RBFOX1: variants seen among roughly 807,000 people sequenced by gnomAD.
RBFOX1 encodes RNA binding protein fox-1 homolog 1.
Under a neutral mutation model 57.7 loss-of-function variants are expected in RBFOX1, and 8 were observed. That is an observed-to-expected ratio of 0.14 (90% CI 0.08 to 0.25). RBFOX1 has a LOEUF of 0.25. Among genes scored for constraint, RBFOX1 ranks in the 10% least tolerant of loss-of-function variants. RBFOX1 has a pLI of 1.00. For missense variants in RBFOX1, 611 were observed against 548.5 expected (o/e 1.11, Z -1.14); for synonymous variants, 326 against 222.4 (o/e 1.47, Z -4.15).
intron 2 of RBFOX1, among the ~76,000 whole-genome samples, chr16:6,567,110 C>T (rs77471243): frequency 8.1e-4 from 124 of 152,308 alleles, no homozygotes; most frequent in African/African-American, 2.9e-3. Flanking sequence ...AATGAGCAGG[C>T]TGTCCAGATT....
intron 4 of RBFOX1, among the ~76,000 whole-genome samples, chr16:7,458,624 A>T (rs539261221): frequency 6.6e-6 from 1 of 152,232 alleles, no homozygotes; most frequent in South Asian, 2.1e-4. Context: ...TATCATAGGA[A>T]TATATTCCCC....
chr16:5,748,614 A>G (rs1409317623), intron 3 of RBFOX1, among the ~76,000 whole-genome samples: 1 of 151,970 alleles, frequency 6.6e-6, no homozygotes, highest in Non-Finnish European at 1.5e-5. Context: ...TGATCCCTTT[A>G]CCATTATATA....
intron 3 of RBFOX1, among the ~76,000 whole-genome samples, chr16:5,786,850 A>G (rs999597223): frequency 6.6e-6 from 1 of 152,162 alleles, no homozygotes; most frequent in African/African-American, 2.4e-5. Flanking sequence ...GAAAGGTAGA[A>G]TGAAGCCGGG....
intron 3 of RBFOX1, among the ~76,000 whole-genome samples, chr16:6,735,007 G>C (rs768791413): frequency 3.3e-5 from 5 of 152,038 alleles, no homozygotes; most frequent in Non-Finnish European, 7.4e-5. Flanking sequence ...TGTTGTGGTA[G>C]CACAGTGTAT....
At chr16:5,555,684 G>C (rs193235983) in intron 2 of RBFOX1, among the ~76,000 whole-genome samples, 2 of 152,244 alleles carry the variant, frequency 1.3e-5, no homozygotes, top group East Asian at 3.9e-4. Flanking sequence ...TGAGGGCAGA[G>C]ACGGGGAAGT....
At chr16:5,501,550 C>T (rs2043198724) in intron 2 of RBFOX1, among the ~76,000 whole-genome samples, 1 of 151,986 alleles carries the variant, frequency 6.6e-6, no homozygotes, top group South Asian at 2.1e-4. Flanking sequence ...CTGGCTTTGG[C>T]TAAATTACTT....
chr16:6,195,726 A>T (rs1356226335), intron 1 of RBFOX1, among the ~76,000 whole-genome samples: 2 of 151,602 alleles, frequency 1.3e-5, no homozygotes, highest in African/African-American at 4.8e-5. Flanking sequence ...TCTTTAAAAA[A>T]GAAAAAAAAA....
chr16:7,078,237 G>T (rs1208227621), intron 4 of RBFOX1, among the ~76,000 whole-genome samples: 2 of 152,198 alleles, frequency 1.3e-5, no homozygotes, highest in Non-Finnish European at 2.9e-5. Context: ...CCACTATACA[G>T]AGTTTTTTGG....
intron 3 of RBFOX1, among the ~76,000 whole-genome samples, chr16:6,828,269 T>C (rs1005322935): frequency 2.0e-5 from 3 of 152,058 alleles, no homozygotes; most frequent in African/African-American, 7.2e-5. Context: ...CTCACAGCTG[T>C]AATCCCAGCA....
chr16:5,719,656 A>G (rs2151530115), intron 3 of RBFOX1, among the ~76,000 whole-genome samples: 1 of 152,314 alleles, frequency 6.6e-6, no homozygotes, highest in Admixed American at 6.5e-5. Flanking sequence ...AGAAGAAATC[A>G]TACCGTAGGT....
intron 4 of RBFOX1, among the ~76,000 whole-genome samples, chr16:7,361,561 T>C (rs2097321658): frequency 6.6e-6 from 1 of 152,164 alleles, no homozygotes; most frequent in Admixed American, 6.5e-5. Context: ...CTAAGGAGGA[T>C]ATTTCCTTTG....
chr16:7,159,810 C>T (rs1175846188), intron 4 of RBFOX1, among the ~76,000 whole-genome samples: 2 of 152,166 alleles, frequency 1.3e-5, no homozygotes, highest in Non-Finnish European at 2.9e-5. Flanking sequence ...ATACATCCCA[C>T]CTGTACCAAC....
intron 4 of RBFOX1, among the ~76,000 whole-genome samples, chr16:7,092,187 C>T (rs912158383): frequency 6.6e-6 from 1 of 152,174 alleles, no homozygotes; most frequent in South Asian, 2.1e-4. Flanking sequence ...TACAAAGTTA[C>T]AAGGTATACC....
At chr16:7,694,838 T>G (rs2078283915) in intron 14 of RBFOX1, among the ~76,000 whole-genome samples, 1 of 152,140 alleles carries the variant, frequency 6.6e-6, no homozygotes, top group African/African-American at 2.4e-5. Flanking sequence ...TAATGTTAAT[T>G]TAAAATGTTC....
intron 1 of RBFOX1, among the ~76,000 whole-genome samples, chr16:6,075,968 A>G (rs1478883342): frequency 6.6e-6 from 1 of 152,154 alleles, no homozygotes; most frequent in Non-Finnish European, 1.5e-5. Context: ...AGTAGATGAA[A>G]CAGAGGCTTA....
chr16:5,614,610 T>A (rs905962464), intron 3 of RBFOX1, among the ~76,000 whole-genome samples: 2 of 152,204 alleles, frequency 1.3e-5, no homozygotes, highest in East Asian at 3.8e-4. Context: ...TTATAGACGA[T>A]ACATCTCCCT....
At chr16:7,691,390 A>G (rs2077288339) in intron 14 of RBFOX1, among the ~76,000 whole-genome samples, 1 of 151,808 alleles carries the variant, frequency 6.6e-6, no homozygotes, top group African/African-American at 2.4e-5. Context: ...AGTGGGGGAG[A>G]GAAAGAATGA....
chr16:7,632,344 G>C (rs2061109582), intron 11 of RBFOX1, among the ~76,000 whole-genome samples: 1 of 152,170 alleles, frequency 6.6e-6, no homozygotes, highest in African/African-American at 2.4e-5. Flanking sequence ...ATTCAGAAGG[G>C]CCTCCTTGGG....
Position 6,736,449 on chromosome 16 carries a change from T to C in RBFOX1, c.-16+81799T>C, listed in dbSNP as rs1603480377. Among the ~76,000 whole-genome samples the C allele has an allele frequency of 2.6e-5, 4 of 152,214 alleles. No homozygotes were observed. In the South Asian group the frequency reaches 8.3e-4, roughly 32 times the overall value. ...TGAGTTACATCACTTAGAGTAATAG[T>C]CTCTAATCTCATCCATGTCATTGCA... On this transcript the variant is annotated intron_variant, in intron 3 of 15. Coordinates refer to ENST00000550418, the MANE Select transcript of RBFOX1 (RefSeq NM_018723.4).
Sources: allele counts gnomAD v4.1 joint callset (sites outside exome capture counted in the v4.1 genomes callset), GRCh38; gene constraint gnomAD v4.1.1; transcripts MANE v1.5; gene names NCBI Gene and HGNC (gene_info 2026-07-23, HGNC 2026-07-21).